C20orf204: variants seen among roughly 807,000 people sequenced by gnomAD.
The protein encoded by C20orf204 is uncharacterized protein C20orf204.
Under a neutral mutation model 3.6 loss-of-function variants are expected in C20orf204, and 6 were observed. The ratio of observed to expected loss-of-function variants is 1.68; its 90% CI spans 0.92 to 3.31. The LOEUF (loss-of-function observed/expected upper bound fraction) is 3.31. Among genes scored for constraint, C20orf204 ranks in the 30% most tolerant of loss-of-function variants. The pLI is 0.00. For missense variants in C20orf204, 167 were observed against 89.7 expected, an observed-to-expected ratio of 1.86 and a Z score of -3.48; for synonymous variants, 80 against 41.4, an observed-to-expected ratio of 1.93 and a Z score of -3.58.
intron 1 of C20orf204, 35 bp from the exon 2 acceptor site, chr20:64,037,892 C>T (rs1314010660): frequency 2.4e-6 from 1 of 422,166 alleles, no homozygotes; most frequent in Non-Finnish European, 4.2e-6. Flanking sequence ...TGGGAACACC[C>T]CCCAGGCCTA....
chr20:64,038,141 T>A lies in C20orf204; in HGVS notation c.218T>A (p.Leu73Gln). Reference protein sequence around the residue: ...SRHFHFIQKNLTRPGSSGRRG... With the variant: ...SRHFHFIQKNQTRPGSSGRRG... ...CACTTTCATTTCATACAGAAAAACC[T>A]GACTAGACCCGGGAGCTCGGGACGG... Residue 73 changes from leucine (L) to glutamine (Q), a missense_variant, in exon 2 of 4, where the codon CTG (leucine) becomes CAG (glutamine). Physicochemically the swap from Leu to Gln is moderately radical, Grantham distance 113. Coordinates refer to ENST00000636176, the MANE Select transcript of C20orf204 (RefSeq NM_001387010.1). 1.8e-6 allele frequency: 1 copy of A among 565,630 alleles called. No individual in the cohort carries two copies. The highest frequency in any genetic ancestry group is 2.2e-5 in the South Asian group (1 of 45,862). The allele number at this position is 565,630 out of a possible 1,614,324, so 35.0% of individuals were successfully genotyped here.
At chr20:64,034,005 T>C (rs1439596575), upstream of C20orf204, among the ~76,000 whole-genome samples, 1 of 152,154 alleles carries the variant, frequency 6.6e-6, no homozygotes, top group Admixed American at 6.5e-5. Flanking sequence ...GTGCATTCAG[T>C]TGGGAGCCAG....
In C20orf204 at chr20:64,038,927, G is replaced by T; in HGVS notation, c.*168G>T. The T allele has an allele frequency of 1.4e-6, 1 of 725,132 alleles. No individual in the cohort carries two copies. The highest frequency in any genetic ancestry group is 2.5e-6 in the Non-Finnish European group (1 of 392,868). The allele number at this position is 725,132 out of a possible 1,614,324, so 44.9% of individuals were successfully genotyped here. ...GGAGAAGGGAGCGCGCCTGGCCGCC[G>T]CTGGGTCACGGAGGAGGCCCGCCCT... On this transcript the variant is annotated 3_prime_UTR_variant, in exon 4 of 4. Transcript: ENST00000636176.
At position 64,038,775 on chromosome 20, in the gene C20orf204, C is replaced by T. The variant is rs2059348968; in HGVS notation, c.*16C>T. On this transcript the variant is annotated 3_prime_UTR_variant, in exon 4 of 4. Transcript: ENST00000636176. ...GGACTCCTAGCGCGGCCCGTCCTGG[C>T]CCTGCGCGGGGAGGAGAACCAGCGG... is the stretch of plus-strand genomic sequence containing the variant. The T allele has an allele frequency of 1.1e-5, 8 of 697,930 alleles. No individual in the cohort carries two copies. Among genetic ancestry groups the T allele is most frequent in the Middle Eastern group, 2.4e-4 (1 of 4,248 alleles). The allele number at this position is 697,930 out of a possible 1,614,324, so 43.2% of individuals were successfully genotyped here. A position where few individuals can be genotyped will look rare whatever the true frequency, so the allele number is the denominator to read the frequency against.
chr20:64,038,811 G>A lies in C20orf204; in HGVS notation c.*52G>A. On this transcript the variant is annotated 3_prime_UTR_variant, in exon 4 of 4. Transcript: ENST00000636176. The stretch of plus-strand genomic sequence containing the variant: ...GAGGAGAACCAGCGGGGCCGCGGCA[G>A]AGCCTGGAGACGCGCCTCGTTCTGT... The A allele has an allele frequency of 1.4e-6, 1 of 699,496 alleles. No homozygotes were observed. The highest frequency in any genetic ancestry group is 2.6e-6 in the Non-Finnish European group (1 of 377,502). 43.3% of individuals were successfully genotyped at this position (699,496 alleles called of 1,614,324 possible).
At chr20:64,036,669 C>T (rs2059338694) in intron 1 of C20orf204, 1 of 152,298 alleles carries the variant, frequency 6.6e-6, no homozygotes, top group African/African-American at 2.4e-5. Flanking sequence ...CTCCAGCTGG[C>T]CTGCTCAGGA....
At chr20:64,037,653 C>T in intron 1 of C20orf204, 1 of 356,548 alleles carries the variant, frequency 2.8e-6, no homozygotes, top group East Asian at 4.2e-5. Flanking sequence ...AGTGACATCG[C>T]CTCCCAGCCG....
chr20:64,034,566 C>T (rs2059331063), upstream of C20orf204: 2 of 152,314 alleles, frequency 1.3e-5, no homozygotes, highest in Non-Finnish European at 2.9e-5. Flanking sequence ...TCGCCCCGTC[C>T]TGAGGAGCAG....
In C20orf204 at chr20:64,038,305, A is replaced by G. The variant is rs1337606100; in HGVS notation, c.289A>G (p.Ile97Val). 1 of 758,046 alleles carries G rather than the reference A, an allele frequency of 1.3e-6. No homozygotes were observed. The highest frequency in any genetic ancestry group is 1.8e-5 in the African/African-American group (1 of 57,132). 47.0% of individuals were successfully genotyped at this position (758,046 alleles called of 1,614,324 possible). ...ASCGAQKEHS[I>V]LLSISSLGRT... ...TCCCTTCCCTCCCCAGGAGCACAGT[A>G]TCCTCCTGTCCATCTCGTCCCTGGG... Residue 97 changes from isoleucine (I) to valine (V), a missense_variant, in exon 3 of 4, where the codon ATC becomes GTC. Coordinates refer to ENST00000636176, the MANE Select transcript of C20orf204 (RefSeq NM_001387010.1).
rs1211548442 is a variant in C20orf204 at position 64,038,217 on chromosome 20, CCCCTA to C, written c.279+19_279+23del. Reference sequence around the variant, plus strand: ...GCGCCCAGAAGGTATGGAGGAGGCGCCCCTACCCAAGCTCGCCGGCCTGCTCCTCT... The same window carrying C: ...GCGCCCAGAAGGTATGGAGGAGGCGCCCCAAGCTCGCCGGCCTGCTCCTCT... On this transcript the variant is annotated intron_variant, in intron 2 of 3. Coordinates refer to ENST00000636176, the MANE Select transcript of C20orf204 (RefSeq NM_001387010.1). The C allele has an allele frequency of 1.4e-6, 1 of 715,766 alleles. No homozygotes were observed. The highest frequency in any genetic ancestry group is 2.6e-6 in the Non-Finnish European group (1 of 387,562). The allele number at this position is 715,766 out of a possible 1,614,324, so 44.3% of individuals were successfully genotyped here. A position where few individuals can be genotyped will look rare whatever the true frequency, so the allele number is the denominator to read the frequency against.
rs779253486 is a variant in C20orf204, at chr20:64,038,331, T to A, written c.315T>A (p.Gly105=). Residue 105 remains glycine (G), a synonymous_variant, in exon 3 of 4, where the codon GGT becomes GGA. Transcript: ENST00000636176. ...TCCTCCTGTCCATCTCGTCCCTGGG[T>A]CGGACCCTGCGCGGGGCGGTGGCCG... ...HSILLSISSL[G]RTLRGAVAGG... is the part of the protein sequence containing the mutation. 7 of 735,860 alleles carry A rather than the reference T, an allele frequency of 9.5e-6. No homozygotes were observed. Among genetic ancestry groups the A allele is most frequent in the Non-Finnish European group, 1.3e-5 (5 of 396,222 alleles). 45.6% of individuals were successfully genotyped at this position (735,860 alleles called of 1,614,324 possible).
intron 1 of C20orf204, 198 bp from the exon 2 acceptor site, chr20:64,037,729 T>C (rs2059342884): frequency 1.0e-5 from 4 of 398,358 alleles, no homozygotes; most frequent in Non-Finnish European, 1.8e-5. Context: ...GACCTATCTC[T>C]TGTGTCTCCT....
rs1384951594 is a variant in C20orf204 at position 64,038,319 on chromosome 20, C to A, written c.303C>A (p.Ile101=). Residue 101 remains isoleucine (I), a synonymous_variant, in exon 3 of 4, where the codon ATC becomes ATA. Coordinates refer to ENST00000636176, the MANE Select transcript of C20orf204 (RefSeq NM_001387010.1). ...AGGAGCACAGTATCCTCCTGTCCATCTCGTCCCTGGGTCGGACCCTGCGCG... is the reference window on the plus strand; with the variant it reads ...AGGAGCACAGTATCCTCCTGTCCATATCGTCCCTGGGTCGGACCCTGCGCG... ...AQKEHSILLS[I]SSLGRTLRGA... is the part of the protein sequence containing the mutation. 1 of 737,282 alleles carries A rather than the reference C, an allele frequency of 1.4e-6. No homozygotes were observed. The highest frequency in any genetic ancestry group is 2.5e-6 in the Non-Finnish European group (1 of 395,852). 45.7% of individuals were successfully genotyped at this position (737,282 alleles called of 1,614,324 possible).
At position 64,038,704 on chromosome 20, in the gene C20orf204, C is replaced by T; in HGVS notation, c.515C>T (p.Ala172Val). 2 of 672,220 alleles carry T rather than the reference C, an allele frequency of 3.0e-6. No individual in the cohort carries two copies. The highest frequency in any genetic ancestry group is 6.3e-5 in the East Asian group (2 of 31,962). The allele number at this position is 672,220 out of a possible 1,614,324, so 41.6% of individuals were successfully genotyped here. The change falls in exon 4 of 4, where the codon GCC (alanine) becomes GTC (valine). Residue 172 changes from alanine (A) to valine (V), a missense_variant. Physicochemically the swap from Ala to Val is moderately conservative, Grantham distance 64. Transcript: ENST00000636176. ...QLLLRALDAV[A>V]TCWEKLFALR... is the part of the protein sequence containing the mutation. ...CTGCTGCGCGCCCTGGACGCCGTCGCCACCTGCTGGGAGAAGCTCTTCGCG... is the reference window on the plus strand; with the variant it reads ...CTGCTGCGCGCCCTGGACGCCGTCGTCACCTGCTGGGAGAAGCTCTTCGCG...
At position 64,036,459 on chromosome 20, in the gene C20orf204, G is replaced by A. The variant is rs866260865; in HGVS notation, c.3+133G>A. 35 of 152,604 alleles carry A rather than the reference G, an allele frequency of 2.3e-4. No homozygotes were observed. The South Asian group carries it at 2.7e-3, about 12-fold the overall frequency. 9.5% of individuals were successfully genotyped at this position (152,604 alleles called of 1,614,324 possible). On this transcript the variant is annotated intron_variant, in intron 1 of 3. Coordinates refer to ENST00000636176, the MANE Select transcript of C20orf204 (RefSeq NM_001387010.1). ...ATCTCCGGTTGGCTCTGGTCACTGC[G>A]TCCCTGTGGGTGGCACTGGGTGCAT...
At chr20:64,034,317 T>G (rs950054973), upstream of C20orf204, 1 of 152,490 alleles carries the variant, frequency 6.6e-6, no homozygotes, top group African/African-American at 2.4e-5. Context: ...CCTGCCCTGC[T>G]CCTGACGAGT....
chr20:64,037,423 A>G, intron 1 of C20orf204: 1 of 153,522 alleles, frequency 6.5e-6, no homozygotes, highest in Non-Finnish European at 1.4e-5. Context: ...GGGCATGGCC[A>G]TGAGTGAGAC....
Position 64,038,870 on chromosome 20 carries a change from G to A in C20orf204, c.*111G>A. 1.4e-6 allele frequency: 1 copy of A among 729,890 alleles called. No individual in the cohort carries two copies. Among genetic ancestry groups the A allele is most frequent in the African/African-American group, 1.8e-5 (1 of 55,762 alleles). 45.2% of individuals were successfully genotyped at this position (729,890 alleles called of 1,614,324 possible). A position where few individuals can be genotyped will look rare whatever the true frequency, so the allele number is the denominator to read the frequency against. On this transcript the variant is annotated 3_prime_UTR_variant, in exon 4 of 4. Coordinates refer to ENST00000636176, the MANE Select transcript of C20orf204 (RefSeq NM_001387010.1). ...TGGTGACCTCGGCCCCTCGCTCGAC[G>A]CAGCCCGCGCTCCCCGGAGGGCCCA...
At chr20:64,034,201 CG>C (rs1428573708), upstream of C20orf204, 2 of 152,424 alleles carry the variant, frequency 1.3e-5, no homozygotes, top group African/African-American at 4.8e-5. Context: ...TGGAGGGTCC[CG>C]GCCTGTCTTG....
Sources: gnomAD v4.1 joint callset for allele counts (sites outside exome capture counted in the v4.1 genomes callset) on GRCh38, gnomAD v4.1.1 for gene constraint, MANE v1.5 for transcripts, NCBI Gene and HGNC (gene_info 2026-07-23, HGNC 2026-07-21) for gene names.